The following TNRC6A variants were observed in gnomAD, a reference collection of about 807,000 sequenced individuals.
TNRC6A encodes trinucleotide repeat containing adaptor 6A, also known as trinucleotide repeat-containing gene 6A protein.
A neutral mutation model predicts 221.2 loss-of-function variants in TNRC6A; 44 were observed. The observed-to-expected ratio is 0.20, with a 90% CI of 0.16 to 0.26. The LOEUF is 0.26. Ranked by LOEUF, TNRC6A falls within the 10% of genes least tolerant of loss-of-function variation. The pLI is 1.00. For missense variants in TNRC6A, 2,199 were observed against 2,404.4 expected (o/e 0.91, Z 1.79); for synonymous variants, 847 against 838.5 (o/e 1.01, Z -0.18).
At chr16:24,647,113 G>T (rs113346501) in intron 2 of TNRC6A, among the ~76,000 whole-genome samples, 6 of 151,860 alleles carry the variant, frequency 4.0e-5, no homozygotes, top group Non-Finnish European at 8.8e-5. Flanking sequence ...TCTATTTTTC[G>T]TAGAGACAGG....
intron 2 of TNRC6A, among the ~76,000 whole-genome samples, chr16:24,749,787 G>A (rs576146200): frequency 1.1e-4 from 17 of 152,282 alleles, no homozygotes; most frequent in African/African-American, 3.6e-4. Context: ...TGAACCAGAG[G>A]TTCTGTTGAC....
intron 2 of TNRC6A, among the ~76,000 whole-genome samples, chr16:24,693,076 T>C (rs1400050734): frequency 1.3e-5 from 2 of 152,088 alleles, no homozygotes; most frequent in Non-Finnish European, 2.9e-5. Context: ...ACTCACACTA[T>C]TAAGATGATG....
At chr16:24,719,805 C>T (rs2056378174) in intron 2 of TNRC6A, among the ~76,000 whole-genome samples, 1 of 149,228 alleles carries the variant, frequency 6.7e-6, no homozygotes, top group African/African-American at 2.5e-5. Context: ...TGCACCATTG[C>T]ACTCAAGCTC....
At chr16:24,612,001 C>T (rs1160002278) in intron 1 of TNRC6A, among the ~76,000 whole-genome samples, 10 of 152,106 alleles carry the variant, frequency 6.6e-5, no homozygotes, top group South Asian at 2.1e-4. Context: ...GGCTGAGGCA[C>T]GAGAATCGCT....
chr16:24,738,233 C>T (rs2056814318), intron 2 of TNRC6A, among the ~76,000 whole-genome samples: 1 of 152,130 alleles, frequency 6.6e-6, no homozygotes. Flanking sequence ...CCTAACTCTT[C>T]CTTCTCTGAA....
intron 2 of TNRC6A, among the ~76,000 whole-genome samples, chr16:24,723,719 C>A (rs1662955227): frequency 6.6e-6 from 1 of 151,970 alleles, no homozygotes; most frequent in Non-Finnish European, 1.5e-5. Flanking sequence ...TATCTGAATA[C>A]CTAACTTTTT....
At chr16:24,674,456 G>A (rs762893667) in intron 2 of TNRC6A, among the ~76,000 whole-genome samples, 19 of 152,138 alleles carry the variant, frequency 1.2e-4, no homozygotes, top group Non-Finnish European at 2.2e-4. Flanking sequence ...ATGATTCAGC[G>A]TGCCCTAAAC....
chr16:24,729,339 G>C (rs1248533557), upstream of TNRC6A, among the ~76,000 whole-genome samples: 1 of 149,264 alleles, frequency 6.7e-6, no homozygotes, highest in Non-Finnish European at 1.5e-5. Context: ...GTCAGTGGGG[G>C]AGGGGCCGGG....
chr16:24,807,087 C>A (rs986570716), intron 17 of TNRC6A, among the ~76,000 whole-genome samples: 1 of 151,718 alleles, frequency 6.6e-6, no homozygotes, highest in African/African-American at 2.4e-5. Flanking sequence ...CTCACTGCAA[C>A]CTCTGCCTCC....
chr16:24,645,136 C>A (rs1368199337), intron 2 of TNRC6A, among the ~76,000 whole-genome samples: 3 of 152,346 alleles, frequency 2.0e-5, no homozygotes, highest in East Asian at 3.9e-4. Context: ...TTATTCACTT[C>A]CACATTGGTG....
At position 24,818,815 on chromosome 16, in the gene TNRC6A, G is replaced by A. The variant is rs571797924; in HGVS notation, c.5080+115G>A. ...CTCAGGGAATTAGGAGATTCTGTTT[G>A]TGAGCCTGGGAAATTATTTTTAACA... On this transcript the variant is annotated intron_variant, in intron 21 of 24. Transcript: ENST00000395799. 12 of 788,624 alleles carry A rather than the reference G, an allele frequency of 1.5e-5. No homozygotes were observed. The South Asian group carries it at 1.8e-4, about 12-fold the overall frequency. 48.9% of individuals were successfully genotyped at this position (788,624 alleles called of 1,614,324 possible).
chr16:24,774,840 G>A (rs2057686275), intron 4 of TNRC6A, among the ~76,000 whole-genome samples: 1 of 152,164 alleles, frequency 6.6e-6, no homozygotes. Flanking sequence ...AAATGGTGTA[G>A]TATTTGCATA....
chr16:24,696,384 C>T lies in TNRC6A; in HGVS notation n.403-54342C>T, dbSNP rs549886847. 2.8e-4 allele frequency among the ~76,000 whole-genome samples: 42 copies of T among 149,530 alleles called. No homozygotes were observed. The East Asian group carries it at 6.9e-3, about 25-fold the overall frequency. On this transcript the variant is annotated intron_variant and non_coding_transcript_variant, in intron 2 of 2. Coordinates refer to the TNRC6A transcript ENST00000566108. ...AAAAAAAAAGAAAGTATGAGAACTC[C>T]CTGGAAAGAATTCATGCTAAAGGTG... is the stretch of plus-strand genomic sequence containing the variant.
At chr16:24,814,334 A>G (rs1226339760) in intron 18 of TNRC6A, among the ~76,000 whole-genome samples, 1 of 151,216 alleles carries the variant, frequency 6.6e-6, no homozygotes, top group Admixed American at 6.6e-5. Flanking sequence ...CAAATTCAAC[A>G]TGAATGGAGG....
chr16:24,753,357 T>C (rs188347555), intron 3 of TNRC6A, among the ~76,000 whole-genome samples: 64 of 152,340 alleles, frequency 4.2e-4, no homozygotes, highest in Admixed American at 1.8e-3. Flanking sequence ...CCTGTGTGTC[T>C]CATAGACACA....
chr16:24,712,765 T>C (rs2056228027), intron 2 of TNRC6A, among the ~76,000 whole-genome samples: 1 of 152,192 alleles, frequency 6.6e-6, no homozygotes, highest in Non-Finnish European at 1.5e-5. Context: ...CTGTTTTATT[T>C]TGTTTCGAGA....
chr16:24,700,571 C>T (rs2055952357), intron 2 of TNRC6A, among the ~76,000 whole-genome samples: 2 of 152,034 alleles, frequency 1.3e-5, no homozygotes, highest in African/African-American at 4.8e-5. Context: ...GTAAGTGGTG[C>T]TCCAGGGGGT....
intron 2 of TNRC6A, among the ~76,000 whole-genome samples, chr16:24,716,955 C>CAAAA (rs141168433): frequency 1.3e-5 from 1 of 75,166 alleles, no homozygotes; most frequent in Admixed American, 1.5e-4. Context: ...GACTCCATCT[C>CAAAA]AAAAAAAAAA....
At chr16:24,767,895 A>G (rs971891668) in intron 4 of TNRC6A, among the ~76,000 whole-genome samples, 5 of 152,166 alleles carry the variant, frequency 3.3e-5, no homozygotes, top group East Asian at 1.9e-4. Flanking sequence ...TTGAGTCACA[A>G]ATGGAAGCTG....
Sources: allele counts gnomAD v4.1 joint callset (sites outside exome capture counted in the v4.1 genomes callset), GRCh38; gene constraint gnomAD v4.1.1; transcripts MANE v1.5; gene names NCBI Gene and HGNC (gene_info 2026-07-23, HGNC 2026-07-21).